The following SGCD variants were observed in gnomAD, a reference collection of about 807,000 sequenced individuals.
SGCD encodes sarcoglycan delta.
In SGCD, 18 loss-of-function variants were observed where a neutral mutation model predicts 36.6. The observed-to-expected ratio is 0.49, with a 90% CI of 0.34 to 0.73. The LOEUF (loss-of-function observed/expected upper bound fraction) is 0.73. Among genes scored for constraint, SGCD ranks in the 30% least tolerant of loss-of-function variants. The pLI is 0.01. For synonymous variants in SGCD, 133 were observed against 130.6 expected (o/e 1.02, Z -0.12); for missense variants, 387 against 346.7 (o/e 1.12, Z -0.92).
the SGCD span, among the ~76,000 whole-genome samples, chr5:155,750,352 T>A: frequency 6.6e-6 from 1 of 152,216 alleles, no homozygotes; most frequent in Non-Finnish European, 1.5e-5. Context: ...ACTCATTCCT[T>A]TGCATCTTGT....
At chr5:156,243,772 A>G (rs541579867) in intron 3 of SGCD, among the ~76,000 whole-genome samples, 197 of 152,356 alleles carry the variant, frequency 1.3e-3, no homozygotes, top group African/African-American at 4.5e-3. Flanking sequence ...GCAATAAAGC[A>G]AGCAAGTGCT....
intron 1 of SGCD, among the ~76,000 whole-genome samples, chr5:156,027,369 A>C (rs533488822): frequency 1.0e-3 from 153 of 152,304 alleles, no homozygotes; most frequent in Non-Finnish European, 2.0e-3. Context: ...ATTTTGAATA[A>C]TTGGAAGGGA....
chr5:156,704,107 G>GGA (rs1754644184), intron 7 of SGCD: 1 of 152,142 alleles, frequency 6.6e-6, no homozygotes, highest in East Asian at 1.9e-4. Flanking sequence ...GATATTGAAT[G>GGA]TCCAGACACT....
At chr5:155,990,404 T>C (rs1384470852) in intron 1 of SGCD, among the ~76,000 whole-genome samples, 2 of 152,204 alleles carry the variant, frequency 1.3e-5, no homozygotes, top group African/African-American at 4.8e-5. Flanking sequence ...TAGCAGTCTT[T>C]GCTTATTCTT....
chr5:156,007,454 A>G (rs1190852220), intron 1 of SGCD, among the ~76,000 whole-genome samples: 2 of 152,218 alleles, frequency 1.3e-5, no homozygotes, highest in African/African-American at 2.4e-5. Flanking sequence ...AAGTTTTCAC[A>G]TTAAAATTGT....
chr5:156,447,722 T>C (rs1753805201), intron 3 of SGCD, among the ~76,000 whole-genome samples: 1 of 152,080 alleles, frequency 6.6e-6, no homozygotes, highest in Admixed American at 6.6e-5. Context: ...AACTAGGTGA[T>C]GGGTTGACAG....
chr5:155,993,737 C>T (rs1758482847), intron 1 of SGCD, among the ~76,000 whole-genome samples: 1 of 152,146 alleles, frequency 6.6e-6, no homozygotes, highest in Non-Finnish European at 1.5e-5. Flanking sequence ...TGCCCATGGA[C>T]CCTCTATGTG....
At chr5:155,840,818 C>A in the SGCD span, among the ~76,000 whole-genome samples, 1 of 151,412 alleles carries the variant, frequency 6.6e-6, no homozygotes, top group Non-Finnish European at 1.5e-5. Context: ...TCAAGACCAG[C>A]CTGATCAACA....
chr5:156,709,306 A>G (rs1007685976), intron 7 of SGCD, among the ~76,000 whole-genome samples: 1 of 152,194 alleles, frequency 6.6e-6, no homozygotes, highest in Non-Finnish European at 1.5e-5. Flanking sequence ...AGTCATGAAT[A>G]TATCTTGGAG....
intron 1 of SGCD, among the ~76,000 whole-genome samples, chr5:156,329,229 C>T (rs1767955513): frequency 6.6e-6 from 1 of 152,126 alleles, no homozygotes; most frequent in African/African-American, 2.4e-5. Context: ...ACAACACAAA[C>T]TGGGCAGTGA....
At chr5:156,663,532 T>C (rs1764020781) in intron 7 of SGCD, among the ~76,000 whole-genome samples, 1 of 148,336 alleles carries the variant, frequency 6.7e-6, no homozygotes, top group Non-Finnish European at 1.5e-5. Context: ...GGAGTAATAA[T>C]TGAGCAATCC....
chr5:156,646,345 T>C (rs969325514), intron 6 of SGCD, among the ~76,000 whole-genome samples: 1 of 152,180 alleles, frequency 6.6e-6, no homozygotes, highest in African/African-American at 2.4e-5. Flanking sequence ...TAGCCTGGCA[T>C]TGAGAAAGCA....
intron 1 of SGCD, among the ~76,000 whole-genome samples, chr5:155,967,777 C>T (rs1757931504): frequency 6.6e-6 from 1 of 152,040 alleles, no homozygotes; most frequent in South Asian, 2.1e-4. Context: ...GCCTCGATCT[C>T]CTCAACCCAT....
chr5:156,615,317 TG>T (rs1226819029), intron 6 of SGCD, among the ~76,000 whole-genome samples: 2 of 152,272 alleles, frequency 1.3e-5, no homozygotes, highest in African/African-American at 4.8e-5. Flanking sequence ...GTTAATTAGT[TG>T]TATTTATACT....
At chr5:156,723,493 T>C (rs541124373) in intron 7 of SGCD, among the ~76,000 whole-genome samples, 1 of 152,264 alleles carries the variant, frequency 6.6e-6, no homozygotes, top group Non-Finnish European at 1.5e-5. Context: ...AATATTCTAG[T>C]GAGGAGAATA....
chr5:155,972,550 T>C (rs529728772), intron 1 of SGCD, among the ~76,000 whole-genome samples: 20 of 152,284 alleles, frequency 1.3e-4, no homozygotes, highest in African/African-American at 4.6e-4. Flanking sequence ...GTTTAATGTG[T>C]TAGTAAATGT....
chr5:156,736,008 T>A (rs1278012169), intron 7 of SGCD, among the ~76,000 whole-genome samples: 2 of 152,252 alleles, frequency 1.3e-5, no homozygotes, highest in East Asian at 3.9e-4. Flanking sequence ...TTTCCTGGGA[T>A]CACACAATCA....
At chr5:155,854,400 C>T in the SGCD span, among the ~76,000 whole-genome samples, 1 of 152,162 alleles carries the variant, frequency 6.6e-6, no homozygotes, top group Non-Finnish European at 1.5e-5. Flanking sequence ...TACCCTTTGG[C>T]ATGTTTCTAT....
intron 4 of SGCD, among the ~76,000 whole-genome samples, chr5:156,509,609 T>C (rs770018256): frequency 3.3e-5 from 5 of 152,222 alleles, no homozygotes; most frequent in Non-Finnish European, 7.3e-5. Flanking sequence ...GATTAAAGAA[T>C]TGAGGCTTGG....
Sources: gnomAD v4.1 joint callset for allele counts (sites outside exome capture counted in the v4.1 genomes callset) on GRCh38, gnomAD v4.1.1 for gene constraint, MANE v1.5 for transcripts, NCBI Gene and HGNC (gene_info 2026-07-23, HGNC 2026-07-21) for gene names.